The following CBY1 variants were observed in gnomAD, a reference collection of about 807,000 sequenced individuals.
The protein encoded by CBY1 is protein chibby homolog 1.
Under a neutral mutation model 15.6 loss-of-function variants are expected in CBY1, and 10 were observed. The observed-to-expected ratio is 0.64, with a 90% CI of 0.40 to 1.09. The LOEUF (loss-of-function observed/expected upper bound fraction) is 1.09, where lower values mean the gene tolerates loss of function less well. Ranked by LOEUF, CBY1 falls within the 50% of genes least tolerant of loss-of-function variation. The pLI is 0.01. For synonymous variants in CBY1, 61 were observed against 63.5 expected, an observed-to-expected ratio of 0.96 and a Z score of 0.19; for missense variants, 150 against 160.5, an observed-to-expected ratio of 0.93 and a Z score of 0.35.
chr22:38,656,848 T>A (rs1160566029), intron 1 of CBY1, 98 bp downstream of exon 1: 1 of 152,124 alleles, frequency 6.6e-6, no homozygotes, highest in African/African-American at 2.4e-5. Context: ...GAGAGAGGCT[T>A]CAGGAGGGCC....
At chr22:38,661,750 T>C (rs2092422866) in intron 1 of CBY1, among the ~76,000 whole-genome samples, 1 of 152,184 alleles carries the variant, frequency 6.6e-6, no homozygotes, top group African/African-American at 2.4e-5. Flanking sequence ...TGATAATGGA[T>C]ATAAAACCTT....
In CBY1 at chr22:38,671,000, C is replaced by T. The variant is rs776187740; in HGVS notation, c.184+11C>T. The T allele has an allele frequency of 1.4e-5, 22 of 1,612,082 alleles. No homozygotes were observed. The highest frequency in any genetic ancestry group is 1.9e-5 in the Non-Finnish European group (22 of 1,178,032). On this transcript the variant is annotated intron_variant, in intron 3 of 4. Coordinates refer to ENST00000216029, the MANE Select transcript of CBY1 (RefSeq NM_015373.4). ...GCCAGTGGATAGCAGGTGAGCTGCA[C>T]TTCCTGCCATTTTGTCAAACAAGAT... is the stretch of plus-strand genomic sequence containing the variant.
intron 2 of CBY1, chr22:38,668,344 TATG>T: frequency 2.0e-6 from 1 of 489,132 alleles, no homozygotes; most frequent in Non-Finnish European, 3.6e-6. Context: ...ACAATCTCAT[TATG>T]ATATTTGACC....
intron 4 of CBY1, 23 bp from the exon 5 acceptor site, chr22:38,673,136 A>G (rs758690413): frequency 6.4e-7 from 1 of 1,574,284 alleles, no homozygotes; most frequent in Non-Finnish European, 8.7e-7. Flanking sequence ...GCTGCTTGCT[A>G]ACAGCCGCTG....
rs567082845 is a variant in CBY1 at position 38,659,689 on chromosome 22, C to T, written c.-39+2939C>T. Among the ~76,000 whole-genome samples, 108 of 151,880 alleles carry T rather than the reference C, an allele frequency of 7.1e-4. 1 individual carries two copies. The East Asian group carries it at 0.014, about 20-fold the overall frequency. On this transcript the variant is annotated intron_variant, in intron 1 of 4. Transcript: ENST00000216029. Reference sequence around the variant, plus strand: ...CATCCTGGCTAACACGGTGAAACCCCATCTCTACTAAAAATACAAAAAATT... The same window carrying T: ...CATCCTGGCTAACACGGTGAAACCCTATCTCTACTAAAAATACAAAAAATT...
At chr22:38,668,206 G>A (rs2092442620) in intron 2 of CBY1, 74 bp downstream of exon 2, 2 of 892,176 alleles carry the variant, frequency 2.2e-6, no homozygotes, top group Non-Finnish European at 3.8e-6. Context: ...AATGGAAAGT[G>A]TGGTCCTCCA....
chr22:38,670,608 T>C (rs945109153), intron 2 of CBY1: 7 of 330,068 alleles, frequency 2.1e-5, no homozygotes, highest in African/African-American at 1.0e-4. Flanking sequence ...GCTTAAACTA[T>C]TAAGTGTCAA....
chr22:38,670,974 G>A lies in CBY1; in HGVS notation c.169G>A (p.Gly57Ser). ...AGGGCAAAGCCTGAAGTTTGAAAAT[G>A]GCCAGTGGATAGCAGGTGAGCTGCA... The part of the protein sequence containing the change: ...LAGQSLKFEN[G>S]QWIAETGVSG... Residue 57 changes from glycine to serine, a missense_variant, in exon 3 of 5, where the codon GGC becomes AGC. Coordinates refer to ENST00000216029, the MANE Select transcript of CBY1 (RefSeq NM_015373.4). The A allele has an allele frequency of 6.2e-7, 1 of 1,614,114 alleles. No homozygotes were observed. The highest frequency in any genetic ancestry group is 8.5e-7 in the Non-Finnish European group (1 of 1,179,932).
At chr22:38,657,932 C>T (rs1221170002) in intron 1 of CBY1, among the ~76,000 whole-genome samples, 1 of 152,046 alleles carries the variant, frequency 6.6e-6, no homozygotes, top group East Asian at 1.9e-4. Context: ...TGAATATATT[C>T]TCATTGTAAT....
In CBY1 at chr22:38,657,540, T is replaced by C. The variant is rs534704032; in HGVS notation, c.-39+790T>C. On this transcript the variant is annotated intron_variant, in intron 1 of 4. Transcript: ENST00000216029. Reference sequence around the variant, plus strand: ...AGCTTGTATCTCAAGTGCACGCGGATGCCCCAGAATCCCAGGATCTCAGCT... The same window carrying C: ...AGCTTGTATCTCAAGTGCACGCGGACGCCCCAGAATCCCAGGATCTCAGCT... Among the ~76,000 whole-genome samples the C allele has an allele frequency of 1.3e-4, 20 of 152,362 alleles. No individual in the cohort carries two copies. The South Asian group carries it at 2.1e-3, about 16-fold the overall frequency.
rs955841673 is a variant in CBY1 at position 38,673,504 on chromosome 22, T to G, written c.*268T>G. 4 of 384,922 alleles carry G rather than the reference T, an allele frequency of 1.0e-5. No homozygotes were observed. The highest frequency in any genetic ancestry group is 2.0e-5 in the Non-Finnish European group (4 of 200,606). 23.8% of individuals were successfully genotyped at this position (384,922 alleles called of 1,614,324 possible). A position where few individuals can be genotyped will look rare whatever the true frequency, so the allele number is the denominator to read the frequency against. On this transcript the variant is annotated 3_prime_UTR_variant, in exon 5 of 5. Transcript: ENST00000216029. ...AGGCCTGGGGCTGCTGATGAGCTTTTTGGTGCTCTCCACACACAAGCTCGC... is the reference window on the plus strand; with the variant it reads ...AGGCCTGGGGCTGCTGATGAGCTTTGTGGTGCTCTCCACACACAAGCTCGC...
chr22:38,671,487 T>G, intron 4 of CBY1: 1 of 377,548 alleles, frequency 2.6e-6, no homozygotes, highest in Non-Finnish European at 5.0e-6. Flanking sequence ...AAGGGATATC[T>G]GAGCTGAATG....
chr22:38,665,184 C>T (rs1490805299), intron 1 of CBY1, among the ~76,000 whole-genome samples: 3 of 151,004 alleles, frequency 2.0e-5, no homozygotes, highest in South Asian at 2.2e-4. Context: ...GGAAACAGGC[C>T]GGGTGTGGTG....
intron 1 of CBY1, chr22:38,657,166 C>T (rs2092401254): frequency 3.2e-6 from 3 of 939,328 alleles, no homozygotes; most frequent in South Asian, 9.8e-5. Flanking sequence ...ATTTTATGGC[C>T]TGTTGCAAAC....
chr22:38,659,980 C>T (rs2092417543), intron 1 of CBY1, among the ~76,000 whole-genome samples: 1 of 151,480 alleles, frequency 6.6e-6, no homozygotes, highest in Non-Finnish European at 1.5e-5. Context: ...GTGAGCATGT[C>T]CAAGTCTTTC....
intron 4 of CBY1, among the ~76,000 whole-genome samples, chr22:38,672,559 C>T (rs1014103555): frequency 6.6e-6 from 1 of 151,936 alleles, no homozygotes; most frequent in Non-Finnish European, 1.5e-5. Flanking sequence ...CAAGTGATCT[C>T]CCTGTCTTGG....
Position 38,668,017 on chromosome 22 carries a change from G to A in CBY1, c.-38G>A, listed in dbSNP as rs1421857032. The A allele has an allele frequency of 1.3e-6, 2 of 1,599,550 alleles. No homozygotes were observed. Among genetic ancestry groups the A allele is most frequent in the Non-Finnish European group, 1.7e-6 (2 of 1,167,288 alleles). On this transcript the variant is annotated splice_region_variant and 5_prime_UTR_variant, in exon 2 of 5. Transcript: ENST00000216029. ...TACCCCTGACTTTTTCTGACCCTAGGAGAAGGGAGCACTGGCTTTGCTTTC... is the reference window on the plus strand; with the variant it reads ...TACCCCTGACTTTTTCTGACCCTAGAAGAAGGGAGCACTGGCTTTGCTTTC...
intron 2 of CBY1, among the ~76,000 whole-genome samples, chr22:38,669,209 G>A (rs1269282426): frequency 6.6e-6 from 1 of 152,054 alleles, no homozygotes; most frequent in Non-Finnish European, 1.5e-5. Context: ...GTTATTACAG[G>A]ATAACCACCC....
intron 1 of CBY1, among the ~76,000 whole-genome samples, chr22:38,657,368 C>T (rs1335491008): frequency 6.6e-6 from 1 of 152,182 alleles, no homozygotes; most frequent in Non-Finnish European, 1.5e-5. Flanking sequence ...AAGCCGAAGT[C>T]CAAGGGGGAT....
Sources: allele counts gnomAD v4.1 joint callset (sites outside exome capture counted in the v4.1 genomes callset), GRCh38; gene constraint gnomAD v4.1.1; transcripts MANE v1.5; gene names NCBI Gene and HGNC (gene_info 2026-07-23, HGNC 2026-07-21).